The following FLVCR2 variants were observed in gnomAD, a reference collection of about 807,000 sequenced individuals.
FLVCR2 encodes the protein FLVCR choline and putative heme transporter 2.
FLVCR2 carries 38 observed loss-of-function variants against 48.9 expected under a neutral mutation model. The observed-to-expected ratio is 0.78, with a 90% CI of 0.60 to 1.02. FLVCR2 has a LOEUF of 1.02. FLVCR2 is among the 50% of genes least tolerant of loss of function. The pLI is 0.00. For missense variants in FLVCR2, 664 were observed against 663.3 expected, an observed-to-expected ratio of 1.00 and a Z score of -0.01; for synonymous variants, 255 against 257.0, an observed-to-expected ratio of 0.99 and a Z score of 0.07.
In FLVCR2 at chr14:75,578,801, T is replaced by G; in HGVS notation, c.-172T>G. The G allele has an allele frequency of 1.5e-6, 1 of 667,552 alleles. No individual in the cohort carries two copies. Among genetic ancestry groups the G allele is most frequent in the South Asian group, 1.7e-5 (1 of 57,232 alleles). 41.4% of individuals were successfully genotyped at this position (667,552 alleles called of 1,614,324 possible). Reference sequence around the variant, plus strand: ...CCCAAGCAAAAGTGGGAGCAGGAGCTTGGAGGTGAGCACAGGAAGCCCCAC... The same window carrying G: ...CCCAAGCAAAAGTGGGAGCAGGAGCGTGGAGGTGAGCACAGGAAGCCCCAC... On this transcript the variant is annotated 5_prime_UTR_variant, in exon 1 of 10. Transcript: ENST00000238667.
chr14:75,627,626 C>T (rs181957284), intron 3 of FLVCR2, among the ~76,000 whole-genome samples: 61 of 152,288 alleles, frequency 4.0e-4, no homozygotes, highest in Admixed American at 1.5e-3. Context: ...AGCAGGTCCC[C>T]GGAAAAGCCC....
rs746788772 is a variant in FLVCR2, at chr14:75,646,452, G to C, written c.1561G>C (p.Val521Leu). ...ESNTSKVPTA[V>L]SEDHL ...CAACACCAGCAAAGTGCCCACTGCTGTGTCAGAGGATCATCTCTGAGAGGA... is the reference window on the plus strand; with the variant it reads ...CAACACCAGCAAAGTGCCCACTGCTCTGTCAGAGGATCATCTCTGAGAGGA... Residue 521 changes from valine (V) to leucine (L), a missense_variant, in exon 10 of 10, where the codon GTG (valine) becomes CTG (leucine). Transcript: ENST00000238667. 6.2e-7 allele frequency: 1 copy of C among 1,613,636 alleles called. No homozygotes were observed. Among genetic ancestry groups the C allele is most frequent in the Non-Finnish European group, 8.5e-7 (1 of 1,179,534 alleles).
intron 3 of FLVCR2, chr14:75,632,473 C>A: frequency 3.4e-6 from 2 of 592,892 alleles, no homozygotes; most frequent in Non-Finnish European, 3.0e-6. Context: ...TGGAAGCTAC[C>A]CCTACGGAAT....
chr14:75,597,772 G>A (rs957325844), intron 1 of FLVCR2, among the ~76,000 whole-genome samples: 2 of 152,090 alleles, frequency 1.3e-5, no homozygotes, highest in African/African-American at 4.8e-5. Context: ...GTTTCACCAT[G>A]TCGGCCAGGC....
At chr14:75,584,830 T>C (rs1187293500) in intron 1 of FLVCR2, among the ~76,000 whole-genome samples, 1 of 152,216 alleles carries the variant, frequency 6.6e-6, no homozygotes, top group Non-Finnish European at 1.5e-5. Flanking sequence ...TGAATTCCTG[T>C]ATATATTTAG....
At chr14:75,624,836 C>T in intron 3 of FLVCR2, 84 bp downstream of exon 3, 1 of 1,522,994 alleles carries the variant, frequency 6.6e-7, no homozygotes, top group African/African-American at 1.4e-5. Context: ...ATTACTCTTT[C>T]TAAATCCCAA....
chr14:75,606,405 C>G (rs776927466), intron 1 of FLVCR2, among the ~76,000 whole-genome samples: 11 of 152,170 alleles, frequency 7.2e-5, no homozygotes, highest in African/African-American at 1.9e-4. Context: ...ATCTAGGCCT[C>G]CTTAGACCTT....
intron 1 of FLVCR2, among the ~76,000 whole-genome samples, chr14:75,590,260 C>T (rs1888848861): frequency 6.6e-6 from 1 of 152,194 alleles, no homozygotes; most frequent in Admixed American, 6.5e-5. Context: ...AGATCAGCAC[C>T]AAGCCGTTCA....
At chr14:75,609,039 A>C (rs1273904307) in intron 1 of FLVCR2, among the ~76,000 whole-genome samples, 1 of 152,076 alleles carries the variant, frequency 6.6e-6, no homozygotes, top group Non-Finnish European at 1.5e-5. Flanking sequence ...AAAGCCACTA[A>C]AGAAGGCCCT....
At chr14:75,589,538 C>G (rs1271164303) in intron 1 of FLVCR2, among the ~76,000 whole-genome samples, 1 of 152,130 alleles carries the variant, frequency 6.6e-6, no homozygotes. Context: ...ATGCCTGCAG[C>G]TCTCTCAGGC....
chr14:75,612,614 C>CG (rs1418213972), intron 1 of FLVCR2, among the ~76,000 whole-genome samples: 1 of 152,156 alleles, frequency 6.6e-6, no homozygotes, highest in Non-Finnish European at 1.5e-5. Context: ...GTCATATGAG[C>CG]GGTCTTTGCC....
At chr14:75,580,861 T>C (rs1888581073) in intron 1 of FLVCR2, among the ~76,000 whole-genome samples, 1 of 152,202 alleles carries the variant, frequency 6.6e-6, no homozygotes, top group South Asian at 2.1e-4. Flanking sequence ...CTTCAGGCAA[T>C]CTGGATTGCC....
intron 3 of FLVCR2, among the ~76,000 whole-genome samples, chr14:75,628,794 G>A (rs1889968274): frequency 1.3e-5 from 2 of 152,148 alleles, no homozygotes; most frequent in African/African-American, 2.4e-5. Flanking sequence ...ACCCCCACTA[G>A]AAAACAGTAA....
intron 1 of FLVCR2, among the ~76,000 whole-genome samples, chr14:75,591,327 G>A (rs1213529044): frequency 6.6e-6 from 1 of 152,232 alleles, no homozygotes; most frequent in African/African-American, 2.4e-5. Flanking sequence ...ACAGGCATGA[G>A]CCACACCAAG....
chr14:75,599,378 TA>T (rs1889107502), intron 1 of FLVCR2, among the ~76,000 whole-genome samples: 1 of 149,170 alleles, frequency 6.7e-6, no homozygotes, highest in Non-Finnish European at 1.5e-5. Context: ...CATTAAAAAA[TA>T]AAATACTTAG....
intron 1 of FLVCR2, among the ~76,000 whole-genome samples, chr14:75,588,425 C>T (rs546612911): frequency 6.6e-6 from 1 of 152,170 alleles, no homozygotes; most frequent in Non-Finnish European, 1.5e-5. Flanking sequence ...TTAAAGGTCT[C>T]ATGTCTCAGT....
intron 1 of FLVCR2, among the ~76,000 whole-genome samples, chr14:75,589,203 G>C (rs1056298376): frequency 1.3e-5 from 2 of 152,274 alleles, no homozygotes; most frequent in Non-Finnish European, 2.9e-5. Flanking sequence ...GTGACAGAGA[G>C]AGAGACCCTG....
At chr14:75,605,649 C>A (rs1889272767) in intron 1 of FLVCR2, 1 of 1,535,112 alleles carries the variant, frequency 6.5e-7, no homozygotes, top group East Asian at 2.4e-5. Context: ...TACTTCCTTC[C>A]CAACTTCTTT....
chr14:75,632,042 T>TG (rs1443166602), intron 3 of FLVCR2, among the ~76,000 whole-genome samples: 13 of 152,188 alleles, frequency 8.5e-5, no homozygotes, highest in African/African-American at 2.7e-4. Context: ...GTAGCATCCC[T>TG]GGGGTGAACT....
Sources: allele counts gnomAD v4.1 joint callset (sites outside exome capture counted in the v4.1 genomes callset), GRCh38; gene constraint gnomAD v4.1.1; transcripts MANE v1.5; gene names NCBI Gene and HGNC (gene_info 2026-07-23, HGNC 2026-07-21).